Variants in MYO3A observed in about 807,000 individuals in gnomAD.
The protein encoded by MYO3A is myosin-IIIa.
In MYO3A, 180 loss-of-function variants were observed where a neutral mutation model predicts 192.7. The observed-to-expected ratio is 0.93, with a 90% CI of 0.83 to 1.06. The LOEUF (loss-of-function observed/expected upper bound fraction) is 1.06, where lower values mean the gene tolerates loss of function less well. Ranked by LOEUF, MYO3A falls within the 50% of genes least tolerant of loss-of-function variation. MYO3A has a pLI of 0.00. For missense variants in MYO3A, 1,896 were observed against 1,905.0 expected (o/e 1.00, Z 0.09); for synonymous variants, 628 against 645.3 (o/e 0.97, Z 0.41).
chr10:25,974,067 C>A (rs1838825434), intron 4 of MYO3A, among the ~76,000 whole-genome samples: 1 of 152,130 alleles, frequency 6.6e-6, no homozygotes, highest in Non-Finnish European at 1.5e-5. Context: ...AAAGCAATTG[C>A]AACAAAAGCC....
chr10:26,073,441 C>T (rs557084597), intron 14 of MYO3A, among the ~76,000 whole-genome samples: 2 of 151,688 alleles, frequency 1.3e-5, no homozygotes, highest in African/African-American at 2.4e-5. Flanking sequence ...TGGTGGCAGG[C>T]GCCTGTAGTC....
At chr10:26,167,038 A>G (rs1403548911) in intron 27 of MYO3A, among the ~76,000 whole-genome samples, 1 of 152,202 alleles carries the variant, frequency 6.6e-6, no homozygotes, top group African/African-American at 2.4e-5. Context: ...ACAGGGTTCC[A>G]TTGTGCACTG....
chr10:26,193,265 A>C lies in MYO3A; in HGVS notation c.4499A>C (p.Lys1500Thr), dbSNP rs1843239989. 6.2e-7 allele frequency: 1 copy of C among 1,614,028 alleles called. No homozygotes were observed. The highest frequency in any genetic ancestry group is 2.2e-5 in the East Asian group (1 of 44,878). ...LRPPRRPRKPKTLNNPEDSTY... is the reference protein window; with the variant it reads ...LRPPRRPRKPTTLNNPEDSTY... ...CCCCCAAGACGACCCCGGAAACCCA[A>C]AACATTAAATAACCCTGAAGACTCC... The change falls in exon 32 of 35, where the codon AAA (lysine) becomes ACA (threonine). Residue 1500 changes from lysine (K) to threonine (T), a missense_variant. Transcript: ENST00000642920.
intron 20 of MYO3A, among the ~76,000 whole-genome samples, chr10:26,134,535 A>G (rs1033835945): frequency 2.0e-5 from 3 of 152,324 alleles, no homozygotes; most frequent in African/African-American, 7.2e-5. Flanking sequence ...GTGTATATAG[A>G]AAGAGAGAAT....
At chr10:26,186,266 C>CTT (rs35154545) in intron 31 of MYO3A, among the ~76,000 whole-genome samples, 16,484 of 129,580 alleles carry the variant, frequency 0.13, 1,299 homozygotes, top group East Asian at 0.29. Flanking sequence ...TGATATCCTT[C>CTT]TTTTTTTTTT....
In MYO3A at chr10:26,212,216, G is replaced by GCC. The variant is rs1844255762; in HGVS notation, c.*255_*256dup. 1.9e-6 allele frequency: 1 copy of GCC among 527,624 alleles called. No homozygotes were observed. The highest frequency in any genetic ancestry group is 3.2e-5 in the Admixed American group (1 of 31,358). 32.7% of individuals were successfully genotyped at this position (527,624 alleles called of 1,614,324 possible). ...ACTCCCGCACCCTCCTTTCTCACCA[G>GCC]CCCGCCAGTTGTGGCAACCCTGTCC... is the stretch of plus-strand genomic sequence containing the variant. On this transcript the variant is annotated 3_prime_UTR_variant, in exon 35 of 35. Transcript: ENST00000642920.
At chr10:26,068,906 C>A in intron 12 of MYO3A, 22 bp downstream of exon 12, 1 of 1,389,694 alleles carries the variant, frequency 7.2e-7, no homozygotes, top group Non-Finnish European at 1.0e-6. Flanking sequence ...GGGGTGCATT[C>A]TGTTACTTCA....
At chr10:26,022,060 T>C (rs1336327984) in intron 8 of MYO3A, 1 of 153,412 alleles carries the variant, frequency 6.5e-6, no homozygotes, top group African/African-American at 2.4e-5. Context: ...TAAAATAATA[T>C]TATTAAGAAA....
At chr10:26,121,199 C>T (rs754686303) in intron 18 of MYO3A, among the ~76,000 whole-genome samples, 1 of 150,952 alleles carries the variant, frequency 6.6e-6, no homozygotes, top group East Asian at 1.9e-4. Flanking sequence ...ATGGATTCTA[C>T]AGCCATTCAT....
At chr10:26,141,333 T>C (rs1414297859) in intron 20 of MYO3A, among the ~76,000 whole-genome samples, 1 of 152,236 alleles carries the variant, frequency 6.6e-6, no homozygotes, top group Non-Finnish European at 1.5e-5. Flanking sequence ...GGATCATAAC[T>C]GCTATATAAT....
chr10:26,199,337 G>A (rs796154383), intron 32 of MYO3A, among the ~76,000 whole-genome samples: 53 of 152,284 alleles, frequency 3.5e-4, no homozygotes, highest in African/African-American at 1.0e-3. Context: ...TGGATTGCTT[G>A]AGCTTAAGAG....
chr10:25,936,089 G>A (rs909483519), intron 2 of MYO3A, among the ~76,000 whole-genome samples: 3 of 151,966 alleles, frequency 2.0e-5, no homozygotes, highest in South Asian at 2.1e-4. Flanking sequence ...ATTTGGGGAC[G>A]AAAATGCAAA....
intron 7 of MYO3A, among the ~76,000 whole-genome samples, chr10:26,018,667 AC>A (rs1842111486): frequency 6.6e-6 from 1 of 152,170 alleles, no homozygotes; most frequent in South Asian, 2.1e-4. Context: ...GTAGTAGGTG[AC>A]TGTACAACTT....
At chr10:26,180,624 T>C (rs917029079) in intron 31 of MYO3A, among the ~76,000 whole-genome samples, 1 of 151,876 alleles carries the variant, frequency 6.6e-6, no homozygotes, top group Non-Finnish European at 1.5e-5. Flanking sequence ...ATGCTAGGAA[T>C]AGAATTCAGT....
At chr10:26,116,316 A>C (rs1342153638) in intron 17 of MYO3A, among the ~76,000 whole-genome samples, 1 of 152,170 alleles carries the variant, frequency 6.6e-6, no homozygotes, top group Non-Finnish European at 1.5e-5. Flanking sequence ...CTTGTACGGC[A>C]GGTCCATCAC....
intron 10 of MYO3A, among the ~76,000 whole-genome samples, chr10:26,039,211 T>TA (rs1843202624): frequency 1.0e-5 from 1 of 99,428 alleles, no homozygotes. Flanking sequence ...CGGCTAATTT[T>TA]TTTTTTTTTT....
intron 2 of MYO3A, among the ~76,000 whole-genome samples, chr10:25,942,813 G>A (rs909239235): frequency 6.7e-6 from 1 of 150,068 alleles, no homozygotes; most frequent in Non-Finnish European, 1.5e-5. Flanking sequence ...TAGTTGTAGA[G>A]TTATTTATAT....
At chr10:25,970,020 T>C (rs947546558) in intron 4 of MYO3A, among the ~76,000 whole-genome samples, 4 of 152,114 alleles carry the variant, frequency 2.6e-5, no homozygotes, top group African/African-American at 9.6e-5. Flanking sequence ...CACTTTTTAG[T>C]TTGTGTGTGC....
At chr10:26,063,719 A>C (rs1158847778) in intron 10 of MYO3A, among the ~76,000 whole-genome samples, 1 of 152,236 alleles carries the variant, frequency 6.6e-6, no homozygotes, top group African/African-American at 2.4e-5. Context: ...AAAAGTGAAT[A>C]AAGTTTTATC....
Sources: allele counts gnomAD v4.1 joint callset (sites outside exome capture counted in the v4.1 genomes callset), GRCh38; gene constraint gnomAD v4.1.1; transcripts MANE v1.5; gene names NCBI Gene and HGNC (gene_info 2026-07-23, HGNC 2026-07-21).